The following HDAC8 variants were observed in gnomAD, a reference collection of about 807,000 sequenced individuals.
The protein encoded by HDAC8 is histone deacetylase 8.
In HDAC8, 1 loss-of-function variant was observed where a neutral mutation model predicts 32.2. The ratio of observed to expected loss-of-function variants is 0.03; its 90% CI spans 0.01 to 0.15. HDAC8 has a LOEUF of 0.15. Among genes scored for constraint, HDAC8 ranks in the 10% least tolerant of loss-of-function variants. The probability of loss-of-function intolerance (pLI) is 1.00; values close to 1 mark genes in which losing one functional copy is unlikely to be tolerated. For missense variants in HDAC8, 117 were observed against 300.0 expected (o/e 0.39, Z 4.51); for synonymous variants, 108 against 113.9 (o/e 0.95, Z 0.33).
chrX:72,384,708 G>T (rs1000923270), intron 9 of HDAC8, among the ~76,000 whole-genome samples: 4 of 112,363 alleles, frequency 3.6e-5, no homozygotes, highest in Non-Finnish European at 1.9e-5. Context: ...AGTAATATAT[G>T]TATTTAGTTA....
chrX:72,544,612 C>T lies in HDAC8; in HGVS notation c.437+23277G>A, dbSNP rs190509103. Among the ~76,000 whole-genome samples, 19 of 111,564 alleles carry T rather than the reference C, an allele frequency of 1.7e-4. 1 individual carries two copies. In the East Asian group the frequency reaches 4.5e-3, roughly 26 times the overall value. On this transcript the variant is annotated intron_variant, in intron 4 of 10. Transcript: ENST00000373573. ...CATAACAGAATGTAGCCCAGAAACA[C>T]GATTTTTACACTTTGGGGCTTGGCC...
intron 9 of HDAC8, among the ~76,000 whole-genome samples, chrX:72,407,730 T>C (rs1385713910): frequency 8.9e-6 from 1 of 111,912 alleles, no homozygotes; most frequent in Non-Finnish European, 1.9e-5. Context: ...GCTGACTGAT[T>C]TTAGATTTCT....
At chrX:72,332,927 C>T (rs1369428188) in intron 10 of HDAC8, among the ~76,000 whole-genome samples, 1 of 111,772 alleles carries the variant, frequency 8.9e-6, no homozygotes, top group Non-Finnish European at 1.9e-5. Context: ...GCTGGGATTA[C>T]AGGTGTGAGC....
chrX:72,474,765 G>T, intron 7 of HDAC8: 2 of 854,372 alleles, frequency 2.3e-6, no homozygotes, highest in South Asian at 2.3e-5. Flanking sequence ...TGACATTAAT[G>T]ATGCTTTTGG....
intron 9 of HDAC8, among the ~76,000 whole-genome samples, chrX:72,353,420 A>T: frequency 8.9e-6 from 1 of 111,747 alleles, no homozygotes; most frequent in East Asian, 2.8e-4. Flanking sequence ...TGGAGTTATT[A>T]CTCTCTGATA....
At chrX:72,490,821 T>C (rs1464447000) in intron 6 of HDAC8, 108 bp downstream of exon 6, 21 of 564,445 alleles carry the variant, frequency 3.7e-5, no homozygotes, top group Non-Finnish European at 5.7e-5. Context: ...TTGCATAGGA[T>C]TGTGGCAGTA....
At chrX:72,446,441 A>C (rs1555984847) in intron 9 of HDAC8, among the ~76,000 whole-genome samples, 1 of 110,709 alleles carries the variant, frequency 9.0e-6, no homozygotes, top group African/African-American at 3.3e-5. Context: ...AAGGACAAAA[A>C]ACCAAACACT....
intron 9 of HDAC8, among the ~76,000 whole-genome samples, chrX:72,432,759 T>C (rs932907676): frequency 9.0e-6 from 1 of 111,130 alleles, no homozygotes; most frequent in Non-Finnish European, 1.9e-5. Context: ...TTAGTGCACC[T>C]TTCTTACTGG....
chrX:72,447,812 C>A (rs1354041529), intron 9 of HDAC8, among the ~76,000 whole-genome samples: 1 of 111,777 alleles, frequency 8.9e-6, no homozygotes, highest in East Asian at 2.8e-4. Flanking sequence ...AGAGCCAAAT[C>A]ATGAGTGAAC....
At chrX:72,418,924 T>C (rs2046415519) in intron 9 of HDAC8, among the ~76,000 whole-genome samples, 1 of 111,538 alleles carries the variant, frequency 9.0e-6, no homozygotes, top group Non-Finnish European at 1.9e-5. Flanking sequence ...TTGATACCCT[T>C]GTCAAAAAAC....
chrX:72,495,801 C>G (rs2049003241), intron 4 of HDAC8, among the ~76,000 whole-genome samples: 1 of 112,161 alleles, frequency 8.9e-6, no homozygotes, highest in Non-Finnish European at 1.9e-5. Context: ...GTAGAATATA[C>G]AAATGCATAA....
chrX:72,357,642 G>A (rs1262254180), intron 9 of HDAC8, among the ~76,000 whole-genome samples: 2 of 110,862 alleles, frequency 1.8e-5, no homozygotes, highest in Non-Finnish European at 3.8e-5. Context: ...ATGGGAGTGA[G>A]GAGGCAGAGA....
intron 10 of HDAC8, among the ~76,000 whole-genome samples, chrX:72,336,697 C>A (rs1000619942): frequency 4.5e-5 from 5 of 111,377 alleles, no homozygotes; most frequent in African/African-American, 9.8e-5. Flanking sequence ...GGATTACAGG[C>A]AGGAGCCACC....
intron 9 of HDAC8, among the ~76,000 whole-genome samples, chrX:72,389,813 G>A (rs1438537723): frequency 9.0e-6 from 1 of 111,697 alleles, no homozygotes; most frequent in Non-Finnish European, 1.9e-5. Flanking sequence ...GAGACAGGAA[G>A]CTGCCACCCT....
At chrX:72,449,630 A>G (rs191185631) in intron 9 of HDAC8, among the ~76,000 whole-genome samples, 439 of 111,361 alleles carry the variant, frequency 3.9e-3, no homozygotes, top group African/African-American at 0.013. Flanking sequence ...TGGCAGACTT[A>G]AGCCCTAACA....
At chrX:72,570,438 C>G (rs1556149180) in intron 2 of HDAC8, among the ~76,000 whole-genome samples, 1 of 110,319 alleles carries the variant, frequency 9.1e-6, no homozygotes, top group South Asian at 3.9e-4. Context: ...GTTAACCAAA[C>G]CATATGGGTT....
chrX:72,484,648 G>A (rs1409958647), intron 7 of HDAC8, among the ~76,000 whole-genome samples: 6 of 111,719 alleles, frequency 5.4e-5, no homozygotes, highest in African/African-American at 1.3e-4. Flanking sequence ...AGAAGTATTG[G>A]CACAATTCTA....
At chrX:72,518,773 A>G (rs782026718) in intron 4 of HDAC8, among the ~76,000 whole-genome samples, 118 of 111,821 alleles carry the variant, frequency 1.1e-3, no homozygotes, top group African/African-American at 3.6e-3. Flanking sequence ...AGCCCTTGAC[A>G]ACCATTAATT....
At chrX:72,436,509 CA>C (rs1468765376) in intron 9 of HDAC8, among the ~76,000 whole-genome samples, 3 of 110,277 alleles carry the variant, frequency 2.7e-5, no homozygotes, top group Admixed American at 9.7e-5. Context: ...AAAGGGAAAT[CA>C]AGACATTCTC....
Sources: allele counts gnomAD v4.1 joint callset (sites outside exome capture counted in the v4.1 genomes callset), GRCh38; gene constraint gnomAD v4.1.1; transcripts MANE v1.5; gene names NCBI Gene and HGNC (gene_info 2026-07-23, HGNC 2026-07-21).